The following C1orf105 variants were observed in gnomAD, a reference collection of about 807,000 sequenced individuals.
The protein encoded by C1orf105 is uncharacterized protein C1orf105.
In C1orf105, 17 loss-of-function variants were observed where a neutral mutation model predicts 20.8. That is an observed-to-expected ratio of 0.82 (90% CI 0.56 to 1.23). The LOEUF is 1.23. Among genes scored for constraint, C1orf105 ranks in the 50% most tolerant of loss-of-function variants. The pLI is 0.00. For missense variants in C1orf105, 219 were observed against 213.5 expected (o/e 1.03, Z -0.16); for synonymous variants, 72 against 72.1 (o/e 1.00, Z 0.01).
chr1:172,427,744 G>A (rs2071759452), intron 1 of C1orf105, among the ~76,000 whole-genome samples: 1 of 152,114 alleles, frequency 6.6e-6, no homozygotes, highest in Non-Finnish European at 1.5e-5. Flanking sequence ...TTGCCTCAGT[G>A]GTTTTGCTGT....
chr1:172,438,646 A>C (rs1471593942), intron 1 of C1orf105, among the ~76,000 whole-genome samples: 1 of 152,226 alleles, frequency 6.6e-6, no homozygotes, highest in Non-Finnish European at 1.5e-5. Context: ...AGAATATTAC[A>C]TGAAATTGTT....
intron 1 of C1orf105, chr1:172,430,950 A>G: frequency 2.3e-6 from 1 of 429,038 alleles, no homozygotes; most frequent in Non-Finnish European, 4.1e-6. Flanking sequence ...GTTTTGGGGT[A>G]CCACAAACTA....
chr1:172,448,623 G>C, intron 3 of C1orf105, 92 bp downstream of exon 3: 2 of 740,534 alleles, frequency 2.7e-6, no homozygotes, highest in Admixed American at 4.4e-5. Flanking sequence ...GCACAGCCCT[G>C]TGCTTGGTAC....
chr1:172,429,040 A>G (rs1397040367), intron 1 of C1orf105, among the ~76,000 whole-genome samples: 2 of 152,222 alleles, frequency 1.3e-5, no homozygotes, highest in Non-Finnish European at 2.9e-5. Context: ...ACTGCCTACC[A>G]TTATCCTTCA....
chr1:172,467,281 A>T (rs371030627), intron 6 of C1orf105, among the ~76,000 whole-genome samples: 1 of 152,366 alleles, frequency 6.6e-6, no homozygotes, highest in African/African-American at 2.4e-5. Flanking sequence ...AGTGAACAAC[A>T]TTACTGCCAA....
chr1:172,420,803 A>C lies in C1orf105; in HGVS notation c.-83A>C. On this transcript the variant is annotated 5_prime_UTR_variant, in exon 1 of 7. Transcript: ENST00000367727. ...ACTTTGGATTCAGGTTCTCCACAGC[A>C]GTCTTCCACTGGCCACAGTGAGGGG... 2 of 1,383,646 alleles carry C rather than the reference A, an allele frequency of 1.4e-6. No homozygotes were observed. Among genetic ancestry groups the C allele is most frequent in the Non-Finnish European group, 2.0e-6 (2 of 978,450 alleles). The allele number at this position is 1,383,646 out of a possible 1,614,324, so 85.7% of individuals were successfully genotyped here. A position where few individuals can be genotyped will look rare whatever the true frequency, so the allele number is the denominator to read the frequency against.
intron 1 of C1orf105, chr1:172,444,180 G>C (rs562344141): frequency 2.9e-5 from 29 of 986,732 alleles, no homozygotes; most frequent in African/African-American, 3.5e-5. Context: ...AGGACCTCCG[G>C]TCTCCTCTCC....
chr1:172,460,458 C>T (rs1186051362), intron 4 of C1orf105, among the ~76,000 whole-genome samples: 1 of 152,108 alleles, frequency 6.6e-6, no homozygotes, highest in African/African-American at 2.4e-5. Flanking sequence ...CCTTAATGCA[C>T]CTATTCTGTA....
intron 1 of C1orf105, among the ~76,000 whole-genome samples, chr1:172,424,479 C>A (rs2071673636): frequency 6.6e-6 from 1 of 152,240 alleles, no homozygotes; most frequent in South Asian, 2.1e-4. Context: ...CCACCTCTGC[C>A]TCCCGGGTTC....
chr1:172,465,759 C>A (rs1053097379), intron 6 of C1orf105: 4 of 440,864 alleles, frequency 9.1e-6, no homozygotes, highest in Non-Finnish European at 9.1e-6. Context: ...AGGCCCTGAA[C>A]CTTTCACTCC....
chr1:172,452,271 A>G (rs1648736400), intron 3 of C1orf105, among the ~76,000 whole-genome samples: 1 of 152,234 alleles, frequency 6.6e-6, no homozygotes, highest in Non-Finnish European at 1.5e-5. Context: ...GTGGTATTGG[A>G]CAAATCTCTT....
At chr1:172,441,443 A>G (rs771763460) in intron 1 of C1orf105, 34 of 257,176 alleles carry the variant, frequency 1.3e-4, no homozygotes, top group East Asian at 5.1e-4. Flanking sequence ...TGGAAAAATC[A>G]TGAGACAACT....
At chr1:172,431,344 A>T (rs6702667) in intron 1 of C1orf105, 2 of 358,744 alleles carry the variant, frequency 5.6e-6, no homozygotes, top group African/African-American at 4.2e-5. Flanking sequence ...AGATAAAGTT[A>T]TAGTGGTCTG....
intron 2 of C1orf105, among the ~76,000 whole-genome samples, chr1:172,446,437 T>TCCCC (rs1299608977): frequency 6.6e-6 from 1 of 152,064 alleles, no homozygotes; most frequent in Non-Finnish European, 1.5e-5. Flanking sequence ...GGAAATCACC[T>TCCCC]CCCCGCTTCA....
chr1:172,429,064 T>C (rs747393336), intron 1 of C1orf105, among the ~76,000 whole-genome samples: 6 of 152,220 alleles, frequency 3.9e-5, no homozygotes, highest in Non-Finnish European at 7.3e-5. Flanking sequence ...CTGGGCTCCA[T>C]TCAGGCACAA....
chr1:172,450,087 G>T (rs531136490), intron 3 of C1orf105, among the ~76,000 whole-genome samples: 6 of 152,340 alleles, frequency 3.9e-5, no homozygotes, highest in African/African-American at 1.4e-4. Context: ...AATATTCATA[G>T]TTAGCCACTA....
At chr1:172,456,045 G>A (rs1411608844) in intron 3 of C1orf105, among the ~76,000 whole-genome samples, 1 of 152,080 alleles carries the variant, frequency 6.6e-6, no homozygotes, top group African/African-American at 2.4e-5. Context: ...TGGAAAAAAT[G>A]GCCCACCTAT....
At chr1:172,449,147 C>A (rs957075108) in intron 3 of C1orf105, among the ~76,000 whole-genome samples, 1 of 152,272 alleles carries the variant, frequency 6.6e-6, no homozygotes, top group East Asian at 1.9e-4. Context: ...GCACTCGACA[C>A]GGTGCCCCAC....
intron 5 of C1orf105, among the ~76,000 whole-genome samples, chr1:172,464,879 G>T (rs10911776): frequency 0.039 from 5,888 of 152,100 alleles, 393 homozygotes; most frequent in African/African-American, 0.13. Flanking sequence ...AAGAGATTAC[G>T]TGTGTTTAAA....
Sources: allele counts gnomAD v4.1 joint callset (sites outside exome capture counted in the v4.1 genomes callset), GRCh38; gene constraint gnomAD v4.1.1; transcripts MANE v1.5; gene names NCBI Gene and HGNC (gene_info 2026-07-23, HGNC 2026-07-21).